SLC41A2: variants seen among roughly 807,000 people sequenced by gnomAD.
SLC41A2 encodes the protein SLC41A1-like 1.
Under a neutral mutation model 58.3 loss-of-function variants are expected in SLC41A2, and 32 were observed. The observed-to-expected ratio is 0.55, with a 90% CI of 0.41 to 0.74. SLC41A2 has a LOEUF of 0.74. Among genes scored for constraint, SLC41A2 ranks in the 30% least tolerant of loss-of-function variants. The pLI is 0.00. For synonymous variants in SLC41A2, 190 were observed against 235.0 expected (o/e 0.81, Z 1.75); for missense variants, 514 against 680.6 (o/e 0.76, Z 2.72).
intron 8 of SLC41A2, among the ~76,000 whole-genome samples, chr12:104,857,882 A>C (rs1244770600): frequency 6.6e-6 from 1 of 151,462 alleles, no homozygotes; most frequent in Non-Finnish European, 1.5e-5. Context: ...GGATAGCATT[A>C]GAAAATATAC....
rs2040751575 is a variant in SLC41A2, at chr12:104,802,974, C to T, written c.*2178G>A. The T allele has an allele frequency of 1.3e-5, 2 of 152,170 alleles. No individual in the cohort carries two copies. Among genetic ancestry groups the T allele is most frequent in the African/African-American group, 4.8e-5 (2 of 41,528 alleles). 9.4% of individuals were successfully genotyped at this position (152,170 alleles called of 1,614,324 possible). ...CTGTACAACCTTAGAAATGTAAGTT[C>T]TCTGAATTTCGGTTTCCTCTGCTGT... On this transcript the variant is annotated 3_prime_UTR_variant, in exon 11 of 11. Transcript: ENST00000258538.
chr12:104,929,512 G>T (rs2046976361), intron 1 of SLC41A2, among the ~76,000 whole-genome samples: 1 of 152,208 alleles, frequency 6.6e-6, no homozygotes, highest in Admixed American at 6.5e-5. Context: ...TGACTGGCTG[G>T]CCACTCAGTG....
intron 2 of SLC41A2, among the ~76,000 whole-genome samples, chr12:104,917,119 A>T (rs2135818119): frequency 6.6e-6 from 1 of 151,992 alleles, no homozygotes; most frequent in South Asian, 2.1e-4. Context: ...AACTCAAACA[A>T]ATTTACAAGA....
chr12:104,837,971 T>C (rs2042269332), intron 10 of SLC41A2, among the ~76,000 whole-genome samples: 1 of 152,228 alleles, frequency 6.6e-6, no homozygotes, highest in Non-Finnish European at 1.5e-5. Flanking sequence ...AAGACTGATA[T>C]TTCTACAATG....
chr12:104,844,651 C>G, intron 9 of SLC41A2, 31 bp from the exon 10 acceptor site: 5 of 1,308,400 alleles, frequency 3.8e-6, no homozygotes, highest in Non-Finnish European at 5.1e-6. Context: ...GTAATTAAAA[C>G]AAAATTATAT....
chr12:104,834,390 GA>G (rs1373794228), intron 10 of SLC41A2, among the ~76,000 whole-genome samples: 2 of 151,920 alleles, frequency 1.3e-5, no homozygotes, highest in African/African-American at 2.4e-5. Context: ...TTTACAGCTA[GA>G]AAAAAAATTC....
chr12:104,821,549 A>G (rs116096268), intron 10 of SLC41A2, among the ~76,000 whole-genome samples: 2,843 of 152,346 alleles, frequency 0.019, 31 homozygotes, highest in African/African-American at 0.035. Flanking sequence ...TAGTAGATGA[A>G]TAATACTTAC....
chr12:104,875,276 G>C (rs1270049746), intron 6 of SLC41A2, among the ~76,000 whole-genome samples: 1 of 152,054 alleles, frequency 6.6e-6, no homozygotes, highest in Non-Finnish European at 1.5e-5. Context: ...CATTTATTTT[G>C]TTGTCGTTGT....
intron 10 of SLC41A2, among the ~76,000 whole-genome samples, chr12:104,841,683 A>G (rs900380439): frequency 6.6e-6 from 1 of 152,118 alleles, no homozygotes; most frequent in African/African-American, 2.4e-5. Flanking sequence ...GTAAATGCAA[A>G]AGTGCTGCAA....
chr12:104,916,524 T>G (rs2046329539), intron 2 of SLC41A2, among the ~76,000 whole-genome samples: 2 of 152,276 alleles, frequency 1.3e-5, no homozygotes, highest in South Asian at 4.1e-4. Context: ...AAGTCAATCC[T>G]AAGCCAAAAG....
intron 1 of SLC41A2, among the ~76,000 whole-genome samples, chr12:104,935,526 A>G (rs1254994461): frequency 6.6e-6 from 1 of 152,182 alleles, no homozygotes; most frequent in Non-Finnish European, 1.5e-5. Flanking sequence ...TTGTTCATGT[A>G]CTGTCAATAA....
rs571567065 is a variant in SLC41A2 at position 104,824,993 on chromosome 12, C to G, written c.1536+19479G>C. Among the ~76,000 whole-genome samples, 35 of 151,538 alleles carry G rather than the reference C, an allele frequency of 2.3e-4. No individual in the cohort carries two copies. In the Admixed American group the frequency reaches 2.3e-3, roughly 10 times the overall value. On this transcript the variant is annotated intron_variant, in intron 10 of 10. Transcript: ENST00000258538. ...TGTTTCCCTTCACAGAGTTTTAAAC[C>G]GCCCTAACTGGGCCAGTCAAAACCC... is the stretch of plus-strand genomic sequence containing the variant.
At chr12:104,886,256 G>T in intron 6 of SLC41A2, 37 bp downstream of exon 6, 1 of 1,600,596 alleles carries the variant, frequency 6.2e-7, no homozygotes, top group Non-Finnish European at 8.5e-7. Context: ...AAAGAGACTT[G>T]AGACAACACA....
chr12:104,955,016 CTTTTT>C (rs375969264), intron 1 of SLC41A2, among the ~76,000 whole-genome samples: 26 of 79,168 alleles, frequency 3.3e-4, no homozygotes, highest in African/African-American at 1.2e-3. Context: ...TTGGCCCTTG[CTTTTT>C]TTTTTTTTTT....
In SLC41A2 at chr12:104,804,550, A is replaced by G. The variant is rs927406062; in HGVS notation, c.*602T>C. 1 of 152,230 alleles carries G rather than the reference A, an allele frequency of 6.6e-6. No individual in the cohort carries two copies. Among genetic ancestry groups the G allele is most frequent in the African/African-American group, 2.4e-5 (1 of 41,466 alleles). The allele number at this position is 152,230 out of a possible 1,614,324, so 9.4% of individuals were successfully genotyped here. On this transcript the variant is annotated 3_prime_UTR_variant, in exon 11 of 11. Transcript: ENST00000258538. ...AGATTAGCCTGACAAGAACTTGCAG[A>G]GCTGAAATTGAATTGGCATCAGAAC...
intron 2 of SLC41A2, among the ~76,000 whole-genome samples, chr12:104,924,296 G>T (rs139781779): frequency 1.3e-5 from 2 of 152,298 alleles, no homozygotes; most frequent in African/African-American, 4.8e-5. Flanking sequence ...AGAGTATTGA[G>T]ATCTCTTGTA....
chr12:104,817,723 A>C (rs1367617349), intron 10 of SLC41A2, among the ~76,000 whole-genome samples: 2 of 151,586 alleles, frequency 1.3e-5, no homozygotes, highest in African/African-American at 2.4e-5. Flanking sequence ...AATGTGCTAG[A>C]CTTCTATATG....
intron 3 of SLC41A2, among the ~76,000 whole-genome samples, chr12:104,901,498 T>G (rs1565886743): frequency 6.6e-6 from 1 of 152,094 alleles, no homozygotes; most frequent in Non-Finnish European, 1.5e-5. Context: ...TTGATTTGGA[T>G]ACATCATTTT....
At chr12:104,898,690 C>T (rs987148705) in intron 3 of SLC41A2, among the ~76,000 whole-genome samples, 2 of 151,824 alleles carry the variant, frequency 1.3e-5, no homozygotes. Flanking sequence ...ACATGTAGTG[C>T]CAGTATAATC....
Sources: allele counts gnomAD v4.1 joint callset (sites outside exome capture counted in the v4.1 genomes callset), GRCh38; gene constraint gnomAD v4.1.1; transcripts MANE v1.5; gene names NCBI Gene and HGNC (gene_info 2026-07-23, HGNC 2026-07-21).